Variants in CAPN15 observed in about 807,000 individuals in gnomAD.
CAPN15 encodes the protein calpain-15.
In CAPN15, 53 loss-of-function variants were observed where a neutral mutation model predicts 97.9. That is an observed-to-expected ratio of 0.54 (90% confidence interval 0.43 to 0.68). CAPN15 has a LOEUF of 0.68. CAPN15 is among the 30% of genes least tolerant of loss of function. The pLI, the probability that CAPN15 is intolerant of heterozygous loss-of-function variation, is 0.00. For synonymous variants in CAPN15, 922 were observed against 722.5 expected, an observed-to-expected ratio of 1.28 and a Z score of -4.43; for missense variants, 1,592 against 1,589.8, an observed-to-expected ratio of 1.00 and a Z score of -0.02.
In CAPN15 at chr16:552,651, G is replaced by A. The variant is rs771914553; in HGVS notation, c.2784G>A (p.Pro928=). ...AGVPRASPEP[P]GHVLAVYSSR... is the part of the protein sequence containing the mutation. ...TCCCGAGAGCCTCCCCAGAGCCGCCGGGCCACGTGCTGGCTGTGTACAGCT... is the reference window on the plus strand; with the variant it reads ...TCCCGAGAGCCTCCCCAGAGCCGCCAGGCCACGTGCTGGCTGTGTACAGCT... Residue 928 remains proline (P), a synonymous_variant, in exon 12 of 14, where the codon CCG becomes CCA. Coordinates refer to ENST00000219611, the MANE Select transcript of CAPN15 (RefSeq NM_005632.3). This position sits in a 1 kb window ranked among gnomAD's most constrained non-coding sequence, Gnocchi z 6.4. 1.3e-4 allele frequency: 206 copies of A among 1,538,754 alleles called. No homozygotes were observed. The highest frequency in any genetic ancestry group is 5.4e-4 in the East Asian group (22 of 40,740).
intron 3 of CAPN15, among the ~76,000 whole-genome samples, chr16:540,540 G>A (rs1321783470): frequency 3.9e-5 from 6 of 152,240 alleles, no homozygotes; most frequent in African/African-American, 9.6e-5. Flanking sequence ...CTGAGACCCC[G>A]GCCTCGGCCT....
At position 549,050 on chromosome 16, in the gene CAPN15, C is replaced by G; in HGVS notation, c.1507C>G (p.Pro503Ala). The part of the protein sequence containing the change: ...FPPGPESVGF[P>A]AGDSVQQRVR... Reference sequence around the variant, plus strand: ...TCCCGGGCCCGAGTCTGTCGGCTTCCCCGCGGGTGACAGCGTGCAGCAGCG... The same window carrying G: ...TCCCGGGCCCGAGTCTGTCGGCTTCGCCGCGGGTGACAGCGTGCAGCAGCG... Residue 503 changes from proline to alanine, a missense_variant, in exon 5 of 14, where the codon CCC (proline) becomes GCC (alanine). By Grantham distance (27) the Pro-to-Ala change is conservative. Coordinates refer to ENST00000219611, the MANE Select transcript of CAPN15 (RefSeq NM_005632.3). The G allele has an allele frequency of 6.2e-7, 1 of 1,612,768 alleles. No individual in the cohort carries two copies. The highest frequency in any genetic ancestry group is 8.5e-7 in the Non-Finnish European group (1 of 1,179,944).
chr16:547,256 G>T lies in CAPN15; in HGVS notation c.418G>T (p.Ala140Ser). ...GGAGGAGCAGGAGGAGGAGGAGGGA[G>T]CGGCGGAGCCCAGAGGGGGCTGGGC... is the stretch of plus-strand genomic sequence containing the variant. ...EKEEQEEEEG[A>S]AEPRGGWACP... The change falls in exon 4 of 14, where the codon GCG (alanine) becomes TCG (serine). Residue 140 changes from alanine to serine, a missense_variant. Around this residue, in one of 3 missense-constraint regions of CAPN15, gnomAD observed 883 missense variants for 776.6 expected, o/e 1.14. Coordinates refer to ENST00000219611, the MANE Select transcript of CAPN15 (RefSeq NM_005632.3). 6.6e-7 allele frequency: 1 copy of T among 1,511,400 alleles called. No individual in the cohort carries two copies. The highest frequency in any genetic ancestry group is 1.3e-5 in the South Asian group (1 of 79,004). The allele number at this position is 1,511,400 out of a possible 1,614,324, so 93.6% of individuals were successfully genotyped here.
intron 1 of CAPN15, among the ~76,000 whole-genome samples, chr16:528,285 A>G (rs1192465776): frequency 6.6e-6 from 1 of 151,520 alleles, no homozygotes; most frequent in Non-Finnish European, 1.5e-5. Flanking sequence ...GGAAGGCGGG[A>G]AGTCGGCAGG....
chr16:545,005 C>T (rs1395344341), intron 3 of CAPN15, among the ~76,000 whole-genome samples: 4 of 150,320 alleles, frequency 2.7e-5, no homozygotes, highest in African/African-American at 5.0e-5. Context: ...ACTTCAGGAG[C>T]GTTCTGGGTT....
intron 3 of CAPN15, chr16:540,014 C>T: frequency 1.1e-6 from 1 of 932,868 alleles, no homozygotes; most frequent in Non-Finnish European, 1.3e-6. Flanking sequence ...TCCTCCCGGG[C>T]TGTGTGTGTG....
intron 3 of CAPN15, chr16:540,350 C>T: frequency 1.0e-6 from 1 of 985,570 alleles, no homozygotes; most frequent in Non-Finnish European, 1.2e-6. Flanking sequence ...CAGCACCAGC[C>T]CCCACGGCCC....
chr16:543,338 TGGCCTGGGACTACCGGGGGTGGC>T, intron 3 of CAPN15: 1 of 154,488 alleles, frequency 6.5e-6, no homozygotes, highest in Admixed American at 6.5e-5. Context: ...CCCCAGGGAC[TGGCCTGGGACTACCGGGGGTGGC>T]GGCCGTGGCT....
In CAPN15 at chr16:552,720, G is replaced by A. The variant is rs377152104; in HGVS notation, c.2853G>A (p.Thr951=). The A allele has an allele frequency of 2.8e-4, 433 of 1,544,286 alleles. No individual in the cohort carries two copies. The highest frequency in any genetic ancestry group is 1.5e-3 in the African/African-American group (112 of 73,010). The change falls in exon 12 of 14, where the codon ACG becomes ACA. Residue 951 remains threonine, a synonymous_variant. Coordinates refer to ENST00000219611, the MANE Select transcript of CAPN15 (RefSeq NM_005632.3). This position sits in a 1 kb window ranked among gnomAD's most constrained non-coding sequence, Gnocchi z 6.4. ...AGCCCGTGGAAGCCCAGCCGACCACGCTGGCCGACGCCATCATCCTGCTCA... is the reference window on the plus strand; with the variant it reads ...AGCCCGTGGAAGCCCAGCCGACCACACTGGCCGACGCCATCATCCTGCTCA... ...MVEPVEAQPT[T]LADAIILLTE... is the part of the protein sequence containing the mutation.
rs200574929 is a variant in CAPN15, at chr16:547,260, C to T, written c.422C>T (p.Ala141Val). 497 of 1,509,848 alleles carry T rather than the reference C, an allele frequency of 3.3e-4. No individual in the cohort carries two copies. The highest frequency in any genetic ancestry group is 4.1e-4 in the Non-Finnish European group (466 of 1,134,700). 93.5% of individuals were successfully genotyped at this position (1,509,848 alleles called of 1,614,324 possible). ...KEEQEEEEGA[A>V]EPRGGWACPR... ...GAGCAGGAGGAGGAGGAGGGAGCGG[C>T]GGAGCCCAGAGGGGGCTGGGCGTGT... Residue 141 changes from alanine (A) to valine (V), a missense_variant, in exon 4 of 14, where the codon GCG becomes GTG. Around this residue, in one of 3 missense-constraint regions of CAPN15, gnomAD observed 883 missense variants for 776.6 expected, o/e 1.14. Transcript: ENST00000219611.
rs192196708 is a variant in CAPN15 at position 531,256 on chromosome 16, A to G, written c.-189-2690A>G. ...TGCTCTGTTGCCCACGCTGGAGTGC[A>G]GTTGCAATCATAGCTCGCTGCAGCC... On this transcript the variant is annotated intron_variant, in intron 1 of 13. Transcript: ENST00000219611. Among the ~76,000 whole-genome samples, 411 of 152,218 alleles carry G rather than the reference A, an allele frequency of 2.7e-3. 3 individuals carry two copies. Among genetic ancestry groups the G allele is most frequent in the Non-Finnish European group, 4.9e-3 (336 of 67,988 alleles).
At position 551,660 on chromosome 16, in the gene CAPN15, G is replaced by T; in HGVS notation, c.2341G>T (p.Val781Phe). 6.3e-7 allele frequency: 1 copy of T among 1,590,600 alleles called. No homozygotes were observed. Reference protein sequence around the residue: ...GVFWMEYGDFVRYFDSVDICK... With the variant: ...GVFWMEYGDFFRYFDSVDICK... ...CTTCTGGATGGAGTACGGCGACTTTGTCAGGTATCGGCACCGTGGGGCGGT... is the reference window on the plus strand; with the variant it reads ...CTTCTGGATGGAGTACGGCGACTTTTTCAGGTATCGGCACCGTGGGGCGGT... The change falls in exon 9 of 14, where the codon GTC (valine) becomes TTC (phenylalanine). Residue 781 changes from valine to phenylalanine, a missense_variant. Coordinates refer to ENST00000219611, the MANE Select transcript of CAPN15 (RefSeq NM_005632.3).
Position 552,866 on chromosome 16 carries a change from C to T in CAPN15, c.2908C>T (p.Arg970Cys), listed in dbSNP as rs1426542744. The T allele has an allele frequency of 3.7e-6, 6 of 1,601,162 alleles. No individual in the cohort carries two copies. The highest frequency in any genetic ancestry group is 1.7e-5 in the Admixed American group (1 of 59,398). Residue 970 changes from arginine (R) to cysteine (C), a missense_variant, in exon 13 of 14, where the codon CGT becomes TGT. This residue lies in a region of CAPN15 where 644 missense variants were observed against 699.6 expected (regional missense o/e 0.92). Transcript: ENST00000219611. The surrounding 1 kb of genome is among the most constrained non-coding windows in gnomAD (Gnocchi z 6.4). ...CAACTGCCATTCCTGTGCCCAGGGC[C>T]GTGAGGGCATGACCTGCTACTACCT... ...TESRGERHEG[R>C]EGMTCYYLTH... is the part of the protein sequence containing the mutation.
At position 552,179 on chromosome 16, in the gene CAPN15, C is replaced by T. The variant is rs774304651; in HGVS notation, c.2474C>T (p.Ser825Leu). ...GCGCTCACGGTGCTGGAGCGGGCCT[C>T]GCTGGAGTTCGCGCTCTTCCAGGAG... ...VTALTVLERASLEFALFQEGS... is the reference protein window; with the variant it reads ...VTALTVLERALLEFALFQEGS... Residue 825 changes from serine (S) to leucine (L), a missense_variant, in exon 10 of 14, where the codon TCG becomes TTG. By Grantham distance (145) the Ser-to-Leu change is moderately radical. This residue lies in a region of CAPN15 where 644 missense variants were observed against 699.6 expected (regional missense o/e 0.92). Coordinates refer to ENST00000219611, the MANE Select transcript of CAPN15 (RefSeq NM_005632.3). The surrounding 1 kb of genome is among the most constrained non-coding windows in gnomAD (Gnocchi z 6.4). 5.6e-5 allele frequency: 86 copies of T among 1,537,702 alleles called. No individual in the cohort carries two copies. Among genetic ancestry groups the T allele is most frequent in the South Asian group, 2.2e-4 (18 of 82,614 alleles).
chr16:544,473 C>T (rs867619165), intron 3 of CAPN15, among the ~76,000 whole-genome samples: 10 of 152,106 alleles, frequency 6.6e-5, no homozygotes, highest in Admixed American at 3.9e-4. Flanking sequence ...GTCACAGGCC[C>T]GCGGCCTCCA....
chr16:551,088 G>GCCCCGGTCGGTGAGGGT (rs1567157731), intron 7 of CAPN15, among the ~76,000 whole-genome samples: 1 of 127,244 alleles, frequency 7.9e-6, no homozygotes. Flanking sequence ...GTCGGTGAGG[G>GCCCCGGTCGGTGAGGGT]CCCCGGTCGG....
At chr16:539,184 A>C (rs77195284) in intron 3 of CAPN15, 1 of 152,114 alleles carries the variant, frequency 6.6e-6, no homozygotes, top group African/African-American at 2.4e-5. Flanking sequence ...CTTTCCTCCT[A>C]AGCTCTACCC....
intron 1 of CAPN15, among the ~76,000 whole-genome samples, chr16:532,374 C>G (rs1016412763): frequency 3.5e-5 from 5 of 144,592 alleles, no homozygotes; most frequent in Non-Finnish European, 6.0e-5. Context: ...GCCAACGTGA[C>G]GAAACCCCCA....
At chr16:539,639 G>A (rs1305605916) in intron 3 of CAPN15, 7 of 152,322 alleles carry the variant, frequency 4.6e-5, no homozygotes, top group Non-Finnish European at 2.9e-5. Flanking sequence ...ACAAGGCATG[G>A]TCGGGCTCCC....
Sources: allele counts gnomAD v4.1 joint callset (sites outside exome capture counted in the v4.1 genomes callset), GRCh38; gene constraint gnomAD v4.1.1; regional missense constraint gnomAD v4.1.1; non-coding constraint Gnocchi (gnomAD v3.1); transcripts MANE v1.5; gene names NCBI Gene and HGNC (gene_info 2026-07-23, HGNC 2026-07-21).